Variants in HUNK observed in about 807,000 individuals in gnomAD.
HUNK encodes hormonally up-regulated neu tumor-associated kinase.
A neutral mutation model predicts 61.0 loss-of-function variants in HUNK; 21 were observed. The ratio of observed to expected loss-of-function variants is 0.34; its 90% CI spans 0.24 to 0.50. The LOEUF is 0.50. Ranked by LOEUF, HUNK falls within the 20% of genes least tolerant of loss-of-function variation. The pLI is 0.98. For missense variants in HUNK, 772 were observed against 945.7 expected (o/e 0.82, Z 2.41); for synonymous variants, 371 against 386.1 (o/e 0.96, Z 0.46).
At chr21:31,945,212 G>A (rs2052793852) in intron 3 of HUNK, among the ~76,000 whole-genome samples, 1 of 151,982 alleles carries the variant, frequency 6.6e-6, no homozygotes, top group Admixed American at 6.6e-5. Context: ...TTCAGATGAG[G>A]GCATAACAGT....
chr21:31,923,198 C>A (rs2052634682), intron 1 of HUNK, among the ~76,000 whole-genome samples: 2 of 152,250 alleles, frequency 1.3e-5, no homozygotes, highest in East Asian at 1.9e-4. Flanking sequence ...GACGCCGGTG[C>A]TTTGGGAGGC....
intron 1 of HUNK, among the ~76,000 whole-genome samples, chr21:31,892,172 TATATATATAGAGAG>T (rs1289257132): frequency 1.6e-5 from 2 of 122,872 alleles, no homozygotes; most frequent in African/African-American, 6.3e-5. Flanking sequence ...AATATATATA[TATATATATAGAGAG>T]AGAGAGAGAG....
At chr21:31,892,148 TAA>T (rs748197431) in intron 1 of HUNK, among the ~76,000 whole-genome samples, 16,470 of 92,098 alleles carry the variant, frequency 0.18, 1,453 homozygotes, top group East Asian at 0.28. Context: ...AGAATTTGGT[TAA>T]AAAAAAAAAA....
At chr21:31,928,892 T>C (rs867114293) in intron 2 of HUNK, among the ~76,000 whole-genome samples, 1 of 152,236 alleles carries the variant, frequency 6.6e-6, no homozygotes, top group Non-Finnish European at 1.5e-5. Context: ...GGTTAGATTT[T>C]TCAAATGAAT....
chr21:31,945,794 C>G (rs552403172), intron 3 of HUNK, among the ~76,000 whole-genome samples: 2 of 151,854 alleles, frequency 1.3e-5, no homozygotes, highest in African/African-American at 4.8e-5. Context: ...CTCTAACTGG[C>G]TTTAACAGTG....
chr21:31,912,496 A>T (rs2052553521), intron 1 of HUNK, among the ~76,000 whole-genome samples: 3 of 152,168 alleles, frequency 2.0e-5, no homozygotes, highest in Admixed American at 1.3e-4. Flanking sequence ...GGAGAGGGGT[A>T]GAGTTGTAAT....
intron 6 of HUNK, among the ~76,000 whole-genome samples, chr21:31,969,213 T>G (rs2052992763): frequency 1.3e-5 from 2 of 152,072 alleles, no homozygotes; most frequent in Non-Finnish European, 2.9e-5. Flanking sequence ...GTGTGTGTGA[T>G]CAGCTCACGA....
At chr21:31,953,328 G>A (rs926559612) in intron 4 of HUNK, among the ~76,000 whole-genome samples, 11 of 150,886 alleles carry the variant, frequency 7.3e-5, no homozygotes, top group East Asian at 2.0e-4. Flanking sequence ...TCCAACTCCC[G>A]GGTTCAAGAG....
At chr21:31,952,025 AT>A (rs66539485) in intron 4 of HUNK, among the ~76,000 whole-genome samples, 5 of 150,820 alleles carry the variant, frequency 3.3e-5, no homozygotes, top group African/African-American at 9.7e-5. Flanking sequence ...AAAGTACGAG[AT>A]TTTTTTTTTA....
chr21:31,900,990 G>A (rs1364810950), intron 1 of HUNK, among the ~76,000 whole-genome samples: 1 of 152,058 alleles, frequency 6.6e-6, no homozygotes. Flanking sequence ...CCAGCTTCTG[G>A]CACTTCCGTG....
At chr21:31,887,688 G>A (rs184520082) in intron 1 of HUNK, among the ~76,000 whole-genome samples, 4 of 152,318 alleles carry the variant, frequency 2.6e-5, no homozygotes, top group East Asian at 3.9e-4. Context: ...GCTTGAAAGC[G>A]TGCAGCAGTA....
At chr21:31,956,733 G>A (rs544642856) in intron 4 of HUNK, among the ~76,000 whole-genome samples, 29 of 152,200 alleles carry the variant, frequency 1.9e-4, no homozygotes, top group African/African-American at 6.7e-4. Flanking sequence ...TTCCGATTCC[G>A]ATTTTAACAG....
Position 31,874,373 on chromosome 21 carries a change from G to A in HUNK, c.261+438G>A, listed in dbSNP as rs2052243198. On this transcript the variant is annotated intron_variant, in intron 1 of 10. Transcript: ENST00000270112. ...GGAAAGCTAACAGCCAGCCTCTGGG[G>A]GGAGCTTAGAGTCTGATCCCCGTCC... Among the ~76,000 whole-genome samples, 3 of 151,914 alleles carry A rather than the reference G, an allele frequency of 2.0e-5. No individual in the cohort carries two copies. In the South Asian group the frequency reaches 6.3e-4, roughly 32 times the overall value.
At chr21:31,988,237 C>A (rs951833369) in intron 8 of HUNK, among the ~76,000 whole-genome samples, 4 of 152,090 alleles carry the variant, frequency 2.6e-5, no homozygotes, top group Non-Finnish European at 5.9e-5. Flanking sequence ...AAAAGAGAAC[C>A]CCCCAGGACT....
At chr21:31,971,641 A>T (rs2053011705) in intron 6 of HUNK, among the ~76,000 whole-genome samples, 1 of 152,178 alleles carries the variant, frequency 6.6e-6, no homozygotes, top group African/African-American at 2.4e-5. Context: ...TTAGGAAAAT[A>T]AAGGTCTCGT....
At position 32,000,547 on chromosome 21, in the gene HUNK, G is replaced by C; in HGVS notation, c.*1363G>C. On this transcript the variant is annotated 3_prime_UTR_variant, in exon 11 of 11. Transcript: ENST00000270112. ...AAAGAAGACCCATCAGCACAGGTTG[G>C]ATAGGGGTTAGTGTAGGAGACCAGT... 2.5e-6 allele frequency: 1 copy of C among 399,220 alleles called. No homozygotes were observed. Among genetic ancestry groups the C allele is most frequent in the Non-Finnish European group, 4.4e-6 (1 of 226,188 alleles). 24.7% of individuals were successfully genotyped at this position (399,220 alleles called of 1,614,324 possible).
chr21:31,897,056 G>A (rs1181494493), intron 1 of HUNK, among the ~76,000 whole-genome samples: 1 of 152,182 alleles, frequency 6.6e-6, no homozygotes, highest in Non-Finnish European at 1.5e-5. Flanking sequence ...ACAAGCCTGG[G>A]CAACATGGGG....
chr21:31,932,380 C>T (rs1428596639), intron 2 of HUNK, among the ~76,000 whole-genome samples: 4 of 152,080 alleles, frequency 2.6e-5, no homozygotes, highest in Non-Finnish European at 4.4e-5. Flanking sequence ...CAGTTTATGG[C>T]GGCCAGTCTC....
intron 10 of HUNK, among the ~76,000 whole-genome samples, chr21:31,998,184 G>T (rs768829845): frequency 1.3e-5 from 2 of 152,214 alleles, no homozygotes; most frequent in Non-Finnish European, 2.9e-5. Context: ...CTCCCAAAGT[G>T]CTGGGATCAC....
Sources: allele counts gnomAD v4.1 joint callset (sites outside exome capture counted in the v4.1 genomes callset), GRCh38; gene constraint gnomAD v4.1.1; transcripts MANE v1.5; gene names NCBI Gene and HGNC (gene_info 2026-07-23, HGNC 2026-07-21).